C11orf65: variants seen among roughly 807,000 people sequenced by gnomAD.
C11orf65 encodes the protein protein MFI.
Under a neutral mutation model 35.3 loss-of-function variants are expected in C11orf65, and 38 were observed. That is an observed-to-expected ratio of 1.08 (90% CI 0.83 to 1.41). The LOEUF (loss-of-function observed/expected upper bound fraction) is 1.41. C11orf65 is among the 40% of genes most tolerant of loss of function. C11orf65 has a pLI of 0.00. For synonymous variants in C11orf65, 105 were observed against 114.4 expected (o/e 0.92, Z 0.53); for missense variants, 370 against 367.1 (o/e 1.01, Z -0.06).
chr11:108,388,165 C>T (rs942413550), intron 7 of C11orf65, among the ~76,000 whole-genome samples: 2 of 152,160 alleles, frequency 1.3e-5, no homozygotes, highest in Non-Finnish European at 2.9e-5. Flanking sequence ...AGACCTTGAT[C>T]GATAGTGTGC....
At chr11:108,420,860 C>CT (rs2092805721) in intron 3 of C11orf65, among the ~76,000 whole-genome samples, 9 of 152,256 alleles carry the variant, frequency 5.9e-5, no homozygotes, top group Middle Eastern at 6.8e-3. Context: ...AGTGATCCTC[C>CT]TGCCTCAGCC....
At chr11:108,324,731 A>G (rs2085483538) in intron 6 of C11orf65, among the ~76,000 whole-genome samples, 2 of 152,174 alleles carry the variant, frequency 1.3e-5, no homozygotes, top group African/African-American at 2.4e-5. Context: ...GTAGTATTTC[A>G]TAGTTCAGTT....
chr11:108,451,786 T>G (rs1455996098), intron 2 of C11orf65, among the ~76,000 whole-genome samples: 1 of 152,168 alleles, frequency 6.6e-6, no homozygotes. Flanking sequence ...CAAAACAGCA[T>G]GGTACTGGTA....
rs1480724359 is a variant in C11orf65, at chr11:108,386,237, C to T, written c.732-262G>A. Among the ~76,000 whole-genome samples, 5 of 152,230 alleles carry T rather than the reference C, an allele frequency of 3.3e-5. No homozygotes were observed. In the South Asian group the frequency reaches 6.2e-4, roughly 19 times the overall value. On this transcript the variant is annotated intron_variant, in intron 7 of 8. Coordinates refer to ENST00000393084, the MANE Select transcript of C11orf65 (RefSeq NM_152587.5). ...TCCTTTCACCTCCCTCTAGCATGCC[C>T]CCTCATTTTATCCTGTTAATTCCAG... is the stretch of plus-strand genomic sequence containing the variant.
chr11:108,327,729 G>A (rs1591142727), downstream of C11orf65: 1 of 1,613,964 alleles, frequency 6.2e-7, no homozygotes, highest in Non-Finnish European at 8.5e-7. Flanking sequence ...AGAAAATCCT[G>A]CGGTCATCAT....
At chr11:108,441,674 G>A (rs186584427) in intron 2 of C11orf65, among the ~76,000 whole-genome samples, 65 of 152,350 alleles carry the variant, frequency 4.3e-4, no homozygotes, top group African/African-American at 1.5e-3. Flanking sequence ...AATATTTGCT[G>A]TTCTGCAGCC....
At chr11:108,314,493 T>G (rs1309968946) in intron 6 of C11orf65, among the ~76,000 whole-genome samples, 1 of 151,934 alleles carries the variant, frequency 6.6e-6, no homozygotes, top group African/African-American at 2.4e-5. Flanking sequence ...GGTAGGTCGG[T>G]ACTTATTTCT....
chr11:108,432,525 T>C (rs911635081), intron 2 of C11orf65, among the ~76,000 whole-genome samples: 18 of 152,202 alleles, frequency 1.2e-4, no homozygotes, highest in African/African-American at 4.3e-4. Flanking sequence ...AAACAATCCC[T>C]ACCAATTAGT....
At chr11:108,336,729 T>A (rs1436447222) in intron 2 of C11orf65, among the ~76,000 whole-genome samples, 2 of 152,256 alleles carry the variant, frequency 1.3e-5, no homozygotes, top group Admixed American at 6.5e-5. Flanking sequence ...TGTAATCTGG[T>A]ACATATTGCC....
intron 3 of C11orf65, chr11:108,332,688 T>G (rs1349565274): frequency 2.0e-6 from 3 of 1,498,494 alleles, no homozygotes; most frequent in Non-Finnish European, 2.7e-6. Flanking sequence ...TGTTTTTCTC[T>G]TTGTTTTTCT....
At chr11:108,443,257 T>G (rs2093189197) in intron 2 of C11orf65, among the ~76,000 whole-genome samples, 1 of 152,278 alleles carries the variant, frequency 6.6e-6, no homozygotes, top group Admixed American at 6.5e-5. Context: ...AAGGGATCAA[T>G]TCAACAAGAA....
intron 6 of C11orf65, among the ~76,000 whole-genome samples, chr11:108,318,252 C>T (rs930516434): frequency 1.8e-4 from 28 of 152,054 alleles, no homozygotes; most frequent in Non-Finnish European, 3.8e-4. Flanking sequence ...GTCCCAGCTA[C>T]TTGGGAGCCT....
chr11:108,450,232 T>G (rs182312500), intron 2 of C11orf65, among the ~76,000 whole-genome samples: 16 of 152,060 alleles, frequency 1.1e-4, no homozygotes, highest in Non-Finnish European at 2.1e-4. Context: ...CGGCAATTCC[T>G]CAGGGATCTA....
downstream of C11orf65, chr11:108,327,634 T>C (rs1565523441): frequency 1.9e-6 from 3 of 1,608,830 alleles, no homozygotes; most frequent in Non-Finnish European, 2.6e-6. Flanking sequence ...GATTTTGCCT[T>C]TCTTATACAG....
chr11:108,387,148 CTTTTTTTTTTTT>C (rs1175890979), intron 7 of C11orf65, among the ~76,000 whole-genome samples: 10 of 84,388 alleles, frequency 1.2e-4, no homozygotes, highest in East Asian at 7.9e-4. Flanking sequence ...TTCTTTCTTT[CTTTTTTTTTTTT>C]TTTTTTTTTT....
chr11:108,376,858 G>A (rs998115957), intron 2 of C11orf65, among the ~76,000 whole-genome samples: 4 of 151,180 alleles, frequency 2.6e-5, no homozygotes, highest in Admixed American at 2.6e-4. Flanking sequence ...ACACCTCTAT[G>A]CAAATAAACT....
At chr11:108,405,781 T>C (rs1478299709) in intron 5 of C11orf65, among the ~76,000 whole-genome samples, 2 of 152,220 alleles carry the variant, frequency 1.3e-5, no homozygotes, top group Non-Finnish European at 2.9e-5. Flanking sequence ...ACTAGTGTAC[T>C]GAGGTGCTTA....
intron 6 of C11orf65, chr11:108,312,344 A>G: frequency 8.5e-7 from 1 of 1,177,706 alleles, no homozygotes; most frequent in Non-Finnish European, 1.3e-6. Context: ...CAAAGTCTAT[A>G]GTATATGTAT....
chr11:108,388,895 G>A (rs1205338353), intron 7 of C11orf65, among the ~76,000 whole-genome samples: 1 of 152,242 alleles, frequency 6.6e-6, no homozygotes, highest in Admixed American at 6.5e-5. Context: ...GAGTCCACTA[G>A]TGAAACTGGC....
Sources: allele counts gnomAD v4.1 joint callset (sites outside exome capture counted in the v4.1 genomes callset), GRCh38; gene constraint gnomAD v4.1.1; transcripts MANE v1.5; gene names NCBI Gene and HGNC (gene_info 2026-07-23, HGNC 2026-07-21).